BMPR1B: variants seen among roughly 807,000 people sequenced by gnomAD.
BMPR1B encodes the protein bone morphogenetic protein receptor type 1B.
A neutral mutation model predicts 59.1 loss-of-function variants in BMPR1B; 12 were observed. The observed-to-expected ratio is 0.20, with a 90% CI of 0.13 to 0.33. The LOEUF (loss-of-function observed/expected upper bound fraction) is 0.33. BMPR1B is among the 10% of genes least tolerant of loss of function. BMPR1B has a pLI of 1.00. For synonymous variants in BMPR1B, 237 were observed against 207.3 expected, an observed-to-expected ratio of 1.14 and a Z score of -1.23; for missense variants, 550 against 610.9, an observed-to-expected ratio of 0.90 and a Z score of 1.05.
intron 3 of BMPR1B, among the ~76,000 whole-genome samples, chr4:95,093,111 A>G (rs1356424592): frequency 1.3e-5 from 2 of 152,106 alleles, no homozygotes; most frequent in Non-Finnish European, 2.9e-5. Context: ...TAATCATTCT[A>G]TCGGCTGAGA....
chr4:95,082,906 C>T (rs541557106), intron 3 of BMPR1B, among the ~76,000 whole-genome samples: 23 of 151,652 alleles, frequency 1.5e-4, no homozygotes, highest in African/African-American at 5.3e-4. Flanking sequence ...GGTGTGGTGG[C>T]GGGCGCCTGT....
chr4:95,025,201 C>A (rs569596569), intron 3 of BMPR1B, among the ~76,000 whole-genome samples: 1 of 152,006 alleles, frequency 6.6e-6, no homozygotes, highest in Non-Finnish European at 1.5e-5. Flanking sequence ...GGATTATTTT[C>A]GCAAAGGGGA....
At chr4:94,947,441 A>G (rs1729760828) in intron 2 of BMPR1B, among the ~76,000 whole-genome samples, 1 of 152,244 alleles carries the variant, frequency 6.6e-6, no homozygotes, top group South Asian at 2.1e-4. Context: ...CATCTTAAAA[A>G]AATAGTCAGA....
Position 94,827,474 on chromosome 4 carries a change from C to G in BMPR1B, c.-182-48357C>G, listed in dbSNP as rs185981730. ...TTGTGCTGTTTGCACATTACTGCCTCTTGATACAGGTTCAACAAATAAGTA... is the reference window on the plus strand; with the variant it reads ...TTGTGCTGTTTGCACATTACTGCCTGTTGATACAGGTTCAACAAATAAGTA... On this transcript the variant is annotated intron_variant, in intron 1 of 12. Transcript: ENST00000515059. 7.9e-5 allele frequency among the ~76,000 whole-genome samples: 12 copies of G among 152,260 alleles called. No homozygotes were observed. The East Asian group carries it at 2.3e-3, about 29-fold the overall frequency.
chr4:95,140,602 C>A (rs947887759), intron 10 of BMPR1B, among the ~76,000 whole-genome samples: 21 of 152,074 alleles, frequency 1.4e-4, no homozygotes, highest in Non-Finnish European at 3.1e-4. Flanking sequence ...TTCTGTACTA[C>A]TCTTTAATTT....
chr4:95,051,389 G>T (rs141772881), intron 3 of BMPR1B, among the ~76,000 whole-genome samples: 1 of 152,146 alleles, frequency 6.6e-6, no homozygotes, highest in Non-Finnish European at 1.5e-5. Flanking sequence ...TATTGCCAGC[G>T]CAGAGTGAAG....
chr4:94,855,495 C>T (rs1383418820), intron 1 of BMPR1B, among the ~76,000 whole-genome samples: 1 of 152,120 alleles, frequency 6.6e-6, no homozygotes, highest in Non-Finnish European at 1.5e-5. Context: ...TAACATAGAC[C>T]TTCAGAAAAG....
intron 1 of BMPR1B, among the ~76,000 whole-genome samples, chr4:94,824,328 G>A (rs1450186522): frequency 2.6e-5 from 4 of 152,050 alleles, no homozygotes; most frequent in Admixed American, 2.0e-4. Flanking sequence ...ATGCTTCTTT[G>A]TGCTGGTACA....
chr4:94,857,602 A>G (rs1378972735), intron 1 of BMPR1B, among the ~76,000 whole-genome samples: 1 of 152,214 alleles, frequency 6.6e-6, no homozygotes, highest in Non-Finnish European at 1.5e-5. Context: ...ACAGATGAAC[A>G]AGGAGAATAA....
At chr4:94,812,005 A>G (rs1011784221) in intron 1 of BMPR1B, among the ~76,000 whole-genome samples, 11 of 152,200 alleles carry the variant, frequency 7.2e-5, no homozygotes, top group African/African-American at 2.4e-4. Context: ...ATAGTTCAAA[A>G]ATTTTATGTT....
intron 2 of BMPR1B, among the ~76,000 whole-genome samples, chr4:94,940,721 A>T (rs1729478345): frequency 6.6e-6 from 1 of 152,264 alleles, no homozygotes; most frequent in East Asian, 1.9e-4. Flanking sequence ...TCTCCTTTGT[A>T]CTAAATTGAA....
At chr4:94,883,030 G>A (rs1052398427) in intron 2 of BMPR1B, among the ~76,000 whole-genome samples, 2 of 151,482 alleles carry the variant, frequency 1.3e-5, no homozygotes, top group African/African-American at 4.9e-5. Flanking sequence ...ATTCCCTTGT[G>A]TTTTTAGCCT....
At chr4:95,015,697 A>T (rs188890390) in intron 3 of BMPR1B, among the ~76,000 whole-genome samples, 163 of 145,052 alleles carry the variant, frequency 1.1e-3, no homozygotes, top group African/African-American at 3.9e-3. Flanking sequence ...CTGGAACATC[A>T]TTTTTTTTTT....
At chr4:94,815,357 T>C (rs996171268) in intron 1 of BMPR1B, among the ~76,000 whole-genome samples, 1 of 152,212 alleles carries the variant, frequency 6.6e-6, no homozygotes, top group Non-Finnish European at 1.5e-5. Flanking sequence ...TAGACTGTTA[T>C]AAACAGTGCT....
intron 3 of BMPR1B, among the ~76,000 whole-genome samples, chr4:95,017,761 G>C (rs983953231): frequency 6.6e-6 from 1 of 152,182 alleles, no homozygotes; most frequent in Admixed American, 6.5e-5. Flanking sequence ...GGGAAATTTG[G>C]GTCTTGAAAT....
At chr4:94,772,732 C>T (rs1164612397) in intron 1 of BMPR1B, among the ~76,000 whole-genome samples, 1 of 151,906 alleles carries the variant, frequency 6.6e-6, no homozygotes, top group African/African-American at 2.4e-5. Context: ...CATAAATAAT[C>T]AGATGTTTGC....
intron 3 of BMPR1B, among the ~76,000 whole-genome samples, chr4:95,101,417 G>A (rs564739604): frequency 3.9e-5 from 6 of 152,126 alleles, no homozygotes; most frequent in Non-Finnish European, 8.8e-5. Flanking sequence ...TACTGCTAGC[G>A]TGTAGGGAAT....
At chr4:94,858,206 T>C (rs1357981260) in intron 1 of BMPR1B, among the ~76,000 whole-genome samples, 1 of 152,052 alleles carries the variant, frequency 6.6e-6, no homozygotes, top group Admixed American at 6.6e-5. Flanking sequence ...CTCTTCGGCC[T>C]CCCAAAATGC....
At chr4:94,856,877 A>C (rs1725777914) in intron 1 of BMPR1B, among the ~76,000 whole-genome samples, 1 of 152,232 alleles carries the variant, frequency 6.6e-6, no homozygotes, top group South Asian at 2.1e-4. Context: ...CTTAGAAAAC[A>C]GTTTAGCATA....
Sources: gnomAD v4.1 joint callset for allele counts (sites outside exome capture counted in the v4.1 genomes callset) on GRCh38, gnomAD v4.1.1 for gene constraint, MANE v1.5 for transcripts, NCBI Gene and HGNC (gene_info 2026-07-23, HGNC 2026-07-21) for gene names.